FAM107B: variants seen among roughly 807,000 people sequenced by gnomAD.
FAM107B encodes the protein protein FAM107B.
In FAM107B, 21 loss-of-function variants were observed where a neutral mutation model predicts 31.5. The observed-to-expected ratio is 0.67, with a 90% CI of 0.47 to 0.96. The LOEUF (loss-of-function observed/expected upper bound fraction) is 0.96, where lower values mean the gene tolerates loss of function less well. Among genes scored for constraint, FAM107B ranks in the 40% least tolerant of loss-of-function variants. FAM107B has a pLI of 0.00. For synonymous variants in FAM107B, 157 were observed against 141.5 expected (o/e 1.11, Z -0.78); for missense variants, 452 against 377.1 (o/e 1.20, Z -1.64).
intron 1 of FAM107B, among the ~76,000 whole-genome samples, chr10:14,725,639 G>A (rs1450288453): frequency 1.3e-5 from 2 of 152,034 alleles, no homozygotes; most frequent in Non-Finnish European, 2.9e-5. Flanking sequence ...GAAAGAGAGA[G>A]AGAAAGCTCT....
chr10:14,647,055 A>G (rs938733298), intron 2 of FAM107B, among the ~76,000 whole-genome samples: 6 of 151,822 alleles, frequency 4.0e-5, no homozygotes, highest in African/African-American at 1.5e-4. Context: ...CGGCCTCCCA[A>G]AGTGCTGGGA....
chr10:14,676,865 G>A (rs1404359104), intron 1 of FAM107B, among the ~76,000 whole-genome samples: 2 of 152,194 alleles, frequency 1.3e-5, no homozygotes, highest in Non-Finnish European at 2.9e-5. Context: ...TGCAAGAAAC[G>A]CTGTTGACAG....
intron 1 of FAM107B, 97 bp from the exon 2 acceptor site, chr10:14,667,788 G>A (rs1854444011): frequency 3.1e-6 from 4 of 1,286,410 alleles, no homozygotes; most frequent in East Asian, 4.7e-5. Context: ...ATTAATATGA[G>A]ATCAAGACTT....
intron 1 of FAM107B, among the ~76,000 whole-genome samples, chr10:14,668,450 C>T (rs773629821): frequency 7.9e-5 from 12 of 152,148 alleles, no homozygotes; most frequent in Non-Finnish European, 1.6e-4. Context: ...AAAGTTCCAT[C>T]ATTATTCACA....
At chr10:14,632,982 C>T (rs554284880) in intron 2 of FAM107B, among the ~76,000 whole-genome samples, 3 of 151,940 alleles carry the variant, frequency 2.0e-5, no homozygotes, top group Non-Finnish European at 4.4e-5. Context: ...GCAGATCACT[C>T]GAGGTCAGGA....
intron 1 of FAM107B, among the ~76,000 whole-genome samples, chr10:14,711,987 G>A (rs1338118277): frequency 1.3e-5 from 2 of 152,198 alleles, no homozygotes; most frequent in East Asian, 3.9e-4. Context: ...ACTTTAATGA[G>A]TGTGCAGTGC....
chr10:14,652,758 C>T (rs539199148), intron 2 of FAM107B: 32 of 152,286 alleles, frequency 2.1e-4, no homozygotes, highest in African/African-American at 7.2e-4. Flanking sequence ...TAAGGTAATA[C>T]GCTCCTGAAT....
intron 1 of FAM107B, among the ~76,000 whole-genome samples, chr10:14,704,932 G>C (rs971784586): frequency 1.4e-5 from 2 of 146,384 alleles, no homozygotes; most frequent in Non-Finnish European, 3.0e-5. Context: ...GCTAAGGCAG[G>C]AGAATCACTT....
In FAM107B at chr10:14,628,112, G is replaced by GTTTTTTTTTTTTTTTTTTTTT. The variant is rs71505033; in HGVS notation, c.469+39501_469+39521dup. Among the ~76,000 whole-genome samples the GTTTTTTTTTTTTTTTTTTTTT allele has an allele frequency of 2.0e-4, 19 of 92,688 alleles. 1 individual carries two copies. The highest frequency in any genetic ancestry group is 2.5e-4 in the Non-Finnish European group (12 of 47,172). 60.8% of individuals were successfully genotyped at this position (92,688 alleles called of 152,430 possible). On this transcript the variant is annotated intron_variant, in intron 2 of 4. Coordinates refer to ENST00000181796, the MANE Select transcript of FAM107B (RefSeq NM_031453.4). ...TCCTTGTTTGTTTTTTGTTTTGCTGGTTTTTTTTTTTTTTTTTTTTTGAGA... is the reference window on the plus strand; with the variant it reads ...TCCTTGTTTGTTTTTTGTTTTGCTGGTTTTTTTTTTTTTTTTTTTTTTTTTTTTTTTTTTTTTTTTTTGAGA...
chr10:14,622,295 G>A (rs1052047586), intron 2 of FAM107B, among the ~76,000 whole-genome samples: 15 of 149,254 alleles, frequency 1.0e-4, no homozygotes, highest in Admixed American at 4.7e-4. Context: ...GCACCTGGGA[G>A]CTAGTATGAG....
chr10:14,714,396 C>T (rs1298389186), intron 1 of FAM107B, among the ~76,000 whole-genome samples: 1 of 152,162 alleles, frequency 6.6e-6, no homozygotes, highest in Non-Finnish European at 1.5e-5. Flanking sequence ...TGGCAGAGGC[C>T]TTGGCTCAGG....
chr10:14,661,807 G>T (rs1275949239), intron 2 of FAM107B: 3 of 152,232 alleles, frequency 2.0e-5, no homozygotes, highest in African/African-American at 7.2e-5. Flanking sequence ...AGGTAAACCA[G>T]TGACTATCCC....
intron 1 of FAM107B, among the ~76,000 whole-genome samples, chr10:14,732,742 C>A (rs1458875191): frequency 6.7e-6 from 1 of 148,974 alleles, no homozygotes; most frequent in Non-Finnish European, 1.5e-5. Flanking sequence ...TAACAATATT[C>A]TTTAATAACA....
intron 2 of FAM107B, among the ~76,000 whole-genome samples, chr10:14,599,658 A>T (rs1852306453): frequency 6.6e-6 from 1 of 152,296 alleles, no homozygotes; most frequent in South Asian, 2.1e-4. Context: ...AAAAAAAGAT[A>T]TGCTTAACTC....
At chr10:14,529,843 C>CTA (rs372674938) in intron 3 of FAM107B, 84 of 152,672 alleles carry the variant, frequency 5.5e-4, no homozygotes, top group Non-Finnish European at 1.0e-3. Flanking sequence ...TTTTAAAATG[C>CTA]TACCCCCAAA....
intron 1 of FAM107B, among the ~76,000 whole-genome samples, chr10:14,715,638 AAT>A (rs1855762801): frequency 6.6e-6 from 1 of 152,214 alleles, no homozygotes; most frequent in African/African-American, 2.4e-5. Flanking sequence ...GGCACCATTC[AAT>A]CTATTGAGGG....
At chr10:14,565,714 G>A (rs555222017) in intron 2 of FAM107B, among the ~76,000 whole-genome samples, 2 of 152,300 alleles carry the variant, frequency 1.3e-5, no homozygotes, top group Admixed American at 6.5e-5. Context: ...TTCCTCAGCA[G>A]GGTGGCAAAA....
At chr10:14,657,724 T>G (rs1854101621) in intron 2 of FAM107B, among the ~76,000 whole-genome samples, 1 of 152,228 alleles carries the variant, frequency 6.6e-6, no homozygotes, top group Non-Finnish European at 1.5e-5. Context: ...CACTGGTGTT[T>G]TAAGTTCTTG....
intron 1 of FAM107B, among the ~76,000 whole-genome samples, chr10:14,759,273 G>A (rs531907205): frequency 2.6e-5 from 4 of 152,340 alleles, no homozygotes; most frequent in Non-Finnish European, 4.4e-5. Context: ...GTAGGTGAAA[G>A]AAGTATAGAA....
Sources: gnomAD v4.1 joint callset for allele counts (sites outside exome capture counted in the v4.1 genomes callset) on GRCh38, gnomAD v4.1.1 for gene constraint, MANE v1.5 for transcripts, NCBI Gene and HGNC (gene_info 2026-07-23, HGNC 2026-07-21) for gene names.